EYS: variants seen among roughly 807,000 people sequenced by gnomAD.
The protein encoded by EYS is protein eyes shut homolog.
In EYS, 250 loss-of-function variants were observed where a neutral mutation model predicts 282.1. The observed-to-expected ratio is 0.89, with a 90% CI of 0.80 to 0.98. EYS has a LOEUF of 0.98. Ranked by LOEUF, EYS falls within the 50% of genes least tolerant of loss-of-function variation. The pLI is 0.00. For synonymous variants in EYS, 1,355 were observed against 1,282.9 expected, an observed-to-expected ratio of 1.06 and a Z score of -1.20; for missense variants, 4,016 against 3,709.0, an observed-to-expected ratio of 1.08 and a Z score of -2.15.
At chr6:64,288,806 A>T (rs1017692478) in intron 30 of EYS, among the ~76,000 whole-genome samples, 1 of 152,040 alleles carries the variant, frequency 6.6e-6, no homozygotes. Context: ...AAATTCTAGG[A>T]GTCATTCATG....
intron 12 of EYS, among the ~76,000 whole-genome samples, chr6:65,081,538 CAG>C (rs1240964437): frequency 2.0e-5 from 3 of 152,102 alleles, no homozygotes; most frequent in Middle Eastern, 3.4e-3. Context: ...ATTCAACAAA[CAG>C]ATTTTATTTT....
rs577817760 is a variant in EYS at position 64,822,004 on chromosome 6, G to A, written c.3165-281C>T. Among the ~76,000 whole-genome samples the A allele has an allele frequency of 4.6e-5, 7 of 152,158 alleles. 1 individual carries two copies. The highest frequency in any genetic ancestry group is 1.7e-4 in the African/African-American group (7 of 41,556). ...TCTAGGGCTTATGTGAGAAACTGAA[G>A]TTAGCTATGGCCAGCCTGCATTGCA... is the stretch of plus-strand genomic sequence containing the variant. On this transcript the variant is annotated intron_variant, in intron 20 of 42. Transcript: ENST00000503581.
intron 12 of EYS, among the ~76,000 whole-genome samples, chr6:65,268,179 A>C (rs1767807916): frequency 6.6e-6 from 1 of 152,086 alleles, no homozygotes; most frequent in Admixed American, 6.6e-5. Flanking sequence ...AGCAATAATC[A>C]TGAAAGAATC....
chr6:65,133,672 A>C (rs1775943922), intron 12 of EYS, among the ~76,000 whole-genome samples: 1 of 152,138 alleles, frequency 6.6e-6, no homozygotes, highest in East Asian at 1.9e-4. Context: ...AAGCCCTGGA[A>C]GACAACATAG....
chr6:64,336,549 C>T (rs1770857063), intron 29 of EYS, among the ~76,000 whole-genome samples: 1 of 152,086 alleles, frequency 6.6e-6, no homozygotes, highest in Non-Finnish European at 1.5e-5. Context: ...ACTCCACTGA[C>T]AGCCCTAGAC....
chr6:64,673,907 A>T (rs1354661357), intron 22 of EYS, among the ~76,000 whole-genome samples: 4 of 152,142 alleles, frequency 2.6e-5, no homozygotes, highest in Non-Finnish European at 4.4e-5. Context: ...AAATAAAATC[A>T]GCATGTAAAT....
intron 36 of EYS, among the ~76,000 whole-genome samples, chr6:63,834,288 A>G (rs1273778608): frequency 5.9e-5 from 9 of 152,216 alleles, no homozygotes; most frequent in Non-Finnish European, 1.5e-5. Context: ...ACAGAATGGG[A>G]GAAAATTTTT....
chr6:65,372,668 T>C (rs1160878160), intron 8 of EYS, among the ~76,000 whole-genome samples: 2 of 152,104 alleles, frequency 1.3e-5, no homozygotes, highest in African/African-American at 2.4e-5. Context: ...AGGCCATTTA[T>C]ATTATTAATA....
intron 5 of EYS, among the ~76,000 whole-genome samples, chr6:65,442,383 A>G (rs946235138): frequency 6.6e-6 from 1 of 152,100 alleles, no homozygotes; most frequent in Non-Finnish European, 1.5e-5. Context: ...TTAAGAACTT[A>G]GAAATTTTAT....
chr6:65,660,688 T>A (rs539712175), intron 1 of EYS, among the ~76,000 whole-genome samples: 11 of 151,842 alleles, frequency 7.2e-5, no homozygotes, highest in Non-Finnish European at 1.5e-4. Context: ...GAATATAACA[T>A]GAAATAACAG....
chr6:64,309,292 CTA>C (rs1769582779), intron 29 of EYS, among the ~76,000 whole-genome samples: 1 of 152,114 alleles, frequency 6.6e-6, no homozygotes, highest in Non-Finnish European at 1.5e-5. Flanking sequence ...GGAAATGACT[CTA>C]TGATTACTCT....
chr6:65,438,164 T>A (rs1301383807), intron 5 of EYS, among the ~76,000 whole-genome samples: 2 of 152,048 alleles, frequency 1.3e-5, no homozygotes, highest in Non-Finnish European at 2.9e-5. Context: ...GCTTCATCCA[T>A]GTCCCTACAA....
At chr6:64,372,939 G>A (rs1772431736) in intron 29 of EYS, among the ~76,000 whole-genome samples, 1 of 152,064 alleles carries the variant, frequency 6.6e-6, no homozygotes, top group South Asian at 2.1e-4. Flanking sequence ...TTCTTATAAT[G>A]GCCATTTTGT....
At chr6:65,579,382 T>C (rs1449509605) in intron 2 of EYS, among the ~76,000 whole-genome samples, 2 of 152,144 alleles carry the variant, frequency 1.3e-5, no homozygotes, top group East Asian at 3.9e-4. Flanking sequence ...AGAAAATACA[T>C]ATATTTACAA....
intron 36 of EYS, among the ~76,000 whole-genome samples, chr6:63,836,369 A>C (rs971903953): frequency 2.0e-5 from 3 of 152,134 alleles, no homozygotes; most frequent in Middle Eastern, 3.4e-3. Flanking sequence ...GTCTTTTACC[A>C]AAAAATGACA....
chr6:65,423,766 G>T lies in EYS; in HGVS notation c.863-18399C>A, dbSNP rs1767555195. Among the ~76,000 whole-genome samples, 3 of 151,900 alleles carry T rather than the reference G, an allele frequency of 2.0e-5. No individual in the cohort carries two copies. In the South Asian group the frequency reaches 6.2e-4, roughly 31 times the overall value. ...CCAAACCTACTATTATCTTCAGGGAGCCCGCTTCTATTCTTTCATAATATT... is the reference window on the plus strand; with the variant it reads ...CCAAACCTACTATTATCTTCAGGGATCCCGCTTCTATTCTTTCATAATATT... On this transcript the variant is annotated intron_variant, in intron 5 of 42. Transcript: ENST00000503581.
Position 65,648,161 on chromosome 6 carries a change from G to A in EYS, c.-447-8269C>T, listed in dbSNP as rs531102464. Among the ~76,000 whole-genome samples the A allele has an allele frequency of 5.9e-5, 9 of 152,180 alleles. No individual in the cohort carries two copies. In the South Asian group the frequency reaches 8.3e-4, roughly 14 times the overall value. ...AAAAGTAGATCTACCATTTGATCAC[G>A]CAATTCCATTACTAGGTATCTACCC... On this transcript the variant is annotated intron_variant, in intron 1 of 42. Transcript: ENST00000503581.
intron 35 of EYS, among the ~76,000 whole-genome samples, chr6:63,928,051 A>G (rs1764769335): frequency 6.6e-6 from 1 of 152,222 alleles, no homozygotes; most frequent in Non-Finnish European, 1.5e-5. Flanking sequence ...GTGTAATGTT[A>G]GGTAGATCAC....
intron 2 of EYS, among the ~76,000 whole-genome samples, chr6:65,508,363 T>C (rs543998892): frequency 6.6e-6 from 1 of 152,186 alleles, no homozygotes; most frequent in African/African-American, 2.4e-5. Context: ...TCTGTGTCTC[T>C]AGCCTGTAGC....
Sources: gnomAD v4.1 joint callset for allele counts (sites outside exome capture counted in the v4.1 genomes callset) on GRCh38, gnomAD v4.1.1 for gene constraint, MANE v1.5 for transcripts, NCBI Gene and HGNC (gene_info 2026-07-23, HGNC 2026-07-21) for gene names.